The following KLHL32 variants were observed in gnomAD, a reference collection of about 807,000 sequenced individuals.
KLHL32 encodes the protein kelch like family member 32.
Under a neutral mutation model 64.8 loss-of-function variants are expected in KLHL32, and 35 were observed. The observed-to-expected ratio is 0.54, with a 90% CI of 0.41 to 0.72. KLHL32 has a LOEUF of 0.72. Ranked by LOEUF, KLHL32 falls within the 30% of genes least tolerant of loss-of-function variation. The probability of loss-of-function intolerance (pLI) is 0.00; values close to 1 mark genes in which losing one functional copy is unlikely to be tolerated. For synonymous variants in KLHL32, 259 were observed against 281.0 expected (o/e 0.92, Z 0.78); for missense variants, 589 against 768.5 (o/e 0.77, Z 2.76).
chr6:96,934,175 G>A (rs954011203), intron 1 of KLHL32, among the ~76,000 whole-genome samples: 19 of 152,168 alleles, frequency 1.2e-4, no homozygotes, highest in African/African-American at 4.1e-4. Flanking sequence ...GCACTCTAGA[G>A]GTTTGCAACA....
At chr6:96,985,815 C>T (rs13208526) in intron 3 of KLHL32, among the ~76,000 whole-genome samples, 19,706 of 152,012 alleles carry the variant, frequency 0.13, 1,576 homozygotes, top group East Asian at 0.26. Context: ...GCCATGGGTA[C>T]GAACTTCCTC....
At chr6:96,916,901 T>C in the KLHL32 span, among the ~76,000 whole-genome samples, 1 of 152,212 alleles carries the variant, frequency 6.6e-6, no homozygotes, top group Non-Finnish European at 1.5e-5. Flanking sequence ...CTAAAAATTA[T>C]GTGTGGTGAA....
At chr6:97,092,194 T>C (rs1272791496) in intron 6 of KLHL32, among the ~76,000 whole-genome samples, 1 of 152,168 alleles carries the variant, frequency 6.6e-6, no homozygotes, top group African/African-American at 2.4e-5. Flanking sequence ...TTTCACCACG[T>C]TAGCCAGGAT....
intron 2 of KLHL32, among the ~76,000 whole-genome samples, chr6:96,968,400 A>C (rs552506851): frequency 6.6e-6 from 1 of 152,068 alleles, no homozygotes; most frequent in East Asian, 1.9e-4. Context: ...ACAAAAAAAA[A>C]AACATCTAGC....
chr6:96,976,040 T>A lies in KLHL32; in HGVS notation c.67T>A (p.Ser23Thr). 1 of 1,595,704 alleles carries A rather than the reference T, an allele frequency of 6.3e-7. No homozygotes were observed. The highest frequency in any genetic ancestry group is 8.6e-7 in the Non-Finnish European group (1 of 1,166,430). ...AGGCCAGAGGCTCTGCCACTCCGAATCTCACAATGACAGTGTCCTGGCAGC... is the reference window on the plus strand; with the variant it reads ...AGGCCAGAGGCTCTGCCACTCCGAAACTCACAATGACAGTGTCCTGGCAGC... The part of the protein sequence containing the change: ...LTGQRLCHSE[S>T]HNDSVLAALN... Residue 23 changes from serine to threonine, a missense_variant, in exon 3 of 11, where the codon TCT becomes ACT. Around this residue, in one of 3 missense-constraint regions of KLHL32, gnomAD observed 191 missense variants for 223.3 expected, o/e 0.86. Coordinates refer to ENST00000369261, the MANE Select transcript of KLHL32 (RefSeq NM_052904.4).
intron 7 of KLHL32, among the ~76,000 whole-genome samples, chr6:97,122,179 C>T (rs538522001): frequency 1.3e-5 from 2 of 152,294 alleles, no homozygotes; most frequent in African/African-American, 4.8e-5. Context: ...CACAAGTTTG[C>T]ACCTATTTGC....
chr6:97,060,419 G>A (rs2128147864), intron 4 of KLHL32, among the ~76,000 whole-genome samples: 1 of 152,272 alleles, frequency 6.6e-6, no homozygotes, highest in South Asian at 2.1e-4. Context: ...GATGCCCTGG[G>A]GACTGTGGGG....
intron 3 of KLHL32, among the ~76,000 whole-genome samples, chr6:96,987,684 G>A (rs1314971121): frequency 2.0e-5 from 3 of 152,064 alleles, no homozygotes; most frequent in African/African-American, 4.8e-5. Context: ...GAGGCATCAC[G>A]CTACCTGACT....
At chr6:97,107,200 G>C (rs976108989) in intron 6 of KLHL32, among the ~76,000 whole-genome samples, 3 of 152,074 alleles carry the variant, frequency 2.0e-5, no homozygotes, top group African/African-American at 7.2e-5. Flanking sequence ...GGCTGAGGCA[G>C]GAGAATGGCG....
chr6:97,037,269 A>T (rs1784435200), intron 3 of KLHL32, among the ~76,000 whole-genome samples: 1 of 152,128 alleles, frequency 6.6e-6, no homozygotes, highest in South Asian at 2.1e-4. Flanking sequence ...AATCCTTTTC[A>T]TTATGAAAAC....
In KLHL32 at chr6:97,079,165, A is replaced by G. The variant is rs576158982; in HGVS notation, c.412-5961A>G. Among the ~76,000 whole-genome samples, 9 of 152,334 alleles carry G rather than the reference A, an allele frequency of 5.9e-5. No individual in the cohort carries two copies. The South Asian group carries it at 1.9e-3, about 32-fold the overall frequency. ...CATAGGCTTAAATCTACTCTAAATT[A>G]TAAACAAAGTACTTCTTGTATGAAC... On this transcript the variant is annotated intron_variant, in intron 5 of 10. Coordinates refer to ENST00000369261, the MANE Select transcript of KLHL32 (RefSeq NM_052904.4).
intron 3 of KLHL32, among the ~76,000 whole-genome samples, chr6:97,021,702 A>T (rs1373844340): frequency 3.3e-5 from 5 of 150,930 alleles, no homozygotes. Flanking sequence ...TGACTGACAA[A>T]TTTATATTTC....
chr6:96,996,986 T>G (rs1778481292), intron 3 of KLHL32, among the ~76,000 whole-genome samples: 1 of 151,218 alleles, frequency 6.6e-6, no homozygotes. Flanking sequence ...GAGGAATGGG[T>G]TGGGAGGTAG....
intron 2 of KLHL32, among the ~76,000 whole-genome samples, chr6:96,967,415 ATG>A (rs1437259044): frequency 7.3e-5 from 11 of 151,112 alleles, no homozygotes; most frequent in South Asian, 2.1e-4. Flanking sequence ...ATACATATAT[ATG>A]TGTGTGTGTA....
At chr6:96,907,011 T>C in the KLHL32 span, among the ~76,000 whole-genome samples, 4 of 152,168 alleles carry the variant, frequency 2.6e-5, no homozygotes, top group Non-Finnish European at 5.9e-5. Context: ...CCCATTTTCA[T>C]CAAAAAGATA....
intron 5 of KLHL32, among the ~76,000 whole-genome samples, chr6:97,084,701 T>C (rs1488595941): frequency 2.0e-5 from 3 of 152,194 alleles, no homozygotes; most frequent in African/African-American, 7.2e-5. Flanking sequence ...TGTCTTCAAA[T>C]AGTTTATGTC....
At chr6:96,986,465 C>G (rs554424496) in intron 3 of KLHL32, among the ~76,000 whole-genome samples, 1 of 152,346 alleles carries the variant, frequency 6.6e-6, no homozygotes, top group Admixed American at 6.5e-5. Context: ...GCCCTGCCCC[C>G]AGAGGTGGAG....
chr6:96,980,493 A>G (rs1403825599), intron 3 of KLHL32, among the ~76,000 whole-genome samples: 2 of 152,114 alleles, frequency 1.3e-5, no homozygotes, highest in Non-Finnish European at 2.9e-5. Flanking sequence ...AACCAACCTT[A>G]TATTTCAAGT....
Position 97,055,796 on chromosome 6 carries a change from TAAAAAA to T in KLHL32, c.313-8811_313-8806del, listed in dbSNP as rs750242567. The stretch of plus-strand genomic sequence containing the variant: ...CGAGGTAACAGACTGAGAACCTGTC[TAAAAAA>T]AAAAAAAAAAAAAAAAAAAACCCCT... On this transcript the variant is annotated intron_variant, in intron 4 of 10. Coordinates refer to ENST00000369261, the MANE Select transcript of KLHL32 (RefSeq NM_052904.4). Among the ~76,000 whole-genome samples, 324 of 81,050 alleles carry T rather than the reference TAAAAAA, an allele frequency of 4.0e-3. 21 individuals are homozygous for T. Among genetic ancestry groups the T allele is most frequent in the Admixed American group, 0.011 (95 of 8,402 alleles). 53.2% of individuals were successfully genotyped at this position (81,050 alleles called of 152,430 possible).
Sources: allele counts gnomAD v4.1 joint callset (sites outside exome capture counted in the v4.1 genomes callset), GRCh38; gene constraint gnomAD v4.1.1; regional missense constraint gnomAD v4.1.1; transcripts MANE v1.5; gene names NCBI Gene and HGNC (gene_info 2026-07-23, HGNC 2026-07-21).